The following KCNJ6 variants were observed in gnomAD, a reference collection of about 807,000 sequenced individuals.
KCNJ6 encodes potassium inwardly rectifying channel subfamily J member 6, also known as G protein-activated inward rectifier potassium channel 2.
KCNJ6 carries 9 observed loss-of-function variants against 34.2 expected under a neutral mutation model. The observed-to-expected ratio is 0.26, with a 90% CI of 0.16 to 0.46. The LOEUF (loss-of-function observed/expected upper bound fraction) is 0.46. Ranked by LOEUF, KCNJ6 falls within the 20% of genes least tolerant of loss-of-function variation. KCNJ6 has a pLI of 1.00. For synonymous variants in KCNJ6, 196 were observed against 207.1 expected, an observed-to-expected ratio of 0.95 and a Z score of 0.46; for missense variants, 236 against 531.3, an observed-to-expected ratio of 0.44 and a Z score of 5.46.
At position 37,607,482 on chromosome 21, in the gene KCNJ6, A is replaced by ATATATATATATATATATAT; in HGVS notation, c.*17676_*17677insATATATATATATATATATA. ...CTTAAAGATATATATATATATATAT[A>ATATATATATATATATATAT]TTTTTTTTTTATTTTAAAAAAATTT... On this transcript the variant is annotated 3_prime_UTR_variant, in exon 4 of 4. Coordinates refer to ENST00000609713, the MANE Select transcript of KCNJ6 (RefSeq NM_002240.5). The ATATATATATATATATATAT allele has an allele frequency of 1.5e-3, 201 of 136,708 alleles. No homozygotes were observed. The highest frequency in any genetic ancestry group is 2.5e-3 in the African/African-American group (91 of 36,450). 8.5% of individuals were successfully genotyped at this position (136,708 alleles called of 1,614,324 possible).
rs573624054 is a variant in KCNJ6 at position 37,648,428 on chromosome 21, C to T, written c.947-22944G>A. Among the ~76,000 whole-genome samples the T allele has an allele frequency of 6.1e-4, 93 of 152,310 alleles. 2 individuals carry two copies. Among genetic ancestry groups the T allele is most frequent in the African/African-American group, 2.0e-3 (82 of 41,560 alleles). ...TCCTCTGGGGAATGCTACTGGCACA[C>T]GTTATAGACATCAACATTTTAGCTG... is the stretch of plus-strand genomic sequence containing the variant. On this transcript the variant is annotated intron_variant, in intron 3 of 3. Coordinates refer to ENST00000609713, the MANE Select transcript of KCNJ6 (RefSeq NM_002240.5).
intron 3 of KCNJ6, among the ~76,000 whole-genome samples, chr21:37,632,492 G>A (rs970394517): frequency 6.6e-6 from 1 of 151,940 alleles, no homozygotes; most frequent in African/African-American, 2.4e-5. Context: ...ATTAATTCAC[G>A]GGAAATAGGC....
rs760775426 is a variant in KCNJ6 at position 37,617,628 on chromosome 21, A to G, written c.*7531T>C. ...AGGGACCAGGTCAGACTATCTGGAGAGAGTTCTGCCATTGGCCCGATGACT... is the reference window on the plus strand; with the variant it reads ...AGGGACCAGGTCAGACTATCTGGAGGGAGTTCTGCCATTGGCCCGATGACT... On this transcript the variant is annotated 3_prime_UTR_variant, in exon 4 of 4. Transcript: ENST00000609713. 2.0e-5 allele frequency: 3 copies of G among 152,200 alleles called. No individual in the cohort carries two copies. The highest frequency in any genetic ancestry group is 4.4e-5 in the Non-Finnish European group (3 of 68,052). The allele number at this position is 152,200 out of a possible 1,614,324, so 9.4% of individuals were successfully genotyped here.
Position 37,645,711 on chromosome 21 carries a change from T to C in KCNJ6, c.947-20227A>G, listed in dbSNP as rs1210236930. On this transcript the variant is annotated intron_variant, in intron 3 of 3. Coordinates refer to ENST00000609713, the MANE Select transcript of KCNJ6 (RefSeq NM_002240.5). ...GACCCTGGAACGGGTGAGCACCCAG[T>C]GGTATCCCAGGTACCAGTGTTCCTT... Among the ~76,000 whole-genome samples, 4 of 152,188 alleles carry C rather than the reference T, an allele frequency of 2.6e-5. No homozygotes were observed. The East Asian group carries it at 7.7e-4, about 29-fold the overall frequency.
chr21:37,829,945 T>C (rs1299375632), intron 2 of KCNJ6, among the ~76,000 whole-genome samples: 2 of 152,178 alleles, frequency 1.3e-5, no homozygotes, highest in Non-Finnish European at 2.9e-5. Flanking sequence ...AAACCTGCTG[T>C]TGTGGAAAGA....
intron 2 of KCNJ6, among the ~76,000 whole-genome samples, chr21:37,817,099 A>C (rs2055350279): frequency 6.6e-6 from 1 of 152,166 alleles, no homozygotes; most frequent in Admixed American, 6.5e-5. Context: ...TCTCATCTGA[A>C]GGTCTATTAG....
chr21:37,618,788 T>G lies in KCNJ6; in HGVS notation c.*6371A>C, dbSNP rs943849215. ...CACTTAATCATGTTGACCACCCCAG[T>G]GAAATATTTTTGTGTGCCTTTAAAG... On this transcript the variant is annotated 3_prime_UTR_variant, in exon 4 of 4. Coordinates refer to ENST00000609713, the MANE Select transcript of KCNJ6 (RefSeq NM_002240.5). 2 of 152,228 alleles carry G rather than the reference T, an allele frequency of 1.3e-5. No homozygotes were observed. Among genetic ancestry groups the G allele is most frequent in the African/African-American group, 4.8e-5 (2 of 41,468 alleles). 9.4% of individuals were successfully genotyped at this position (152,228 alleles called of 1,614,324 possible).
chr21:37,727,584 G>C (rs117109857), intron 2 of KCNJ6, among the ~76,000 whole-genome samples: 2,286 of 152,214 alleles, frequency 0.015, 28 homozygotes, highest in South Asian at 0.034. Context: ...TTAGGTTGAT[G>C]TTATAAGGAA....
intron 1 of KCNJ6, among the ~76,000 whole-genome samples, chr21:37,856,866 G>A (rs1047385848): frequency 2.0e-5 from 3 of 152,116 alleles, no homozygotes; most frequent in African/African-American, 4.8e-5. Context: ...TGACCTGGCT[G>A]GATGTACCAG....
intron 3 of KCNJ6, among the ~76,000 whole-genome samples, chr21:37,629,984 T>C (rs1445547128): frequency 6.6e-6 from 1 of 152,206 alleles, no homozygotes; most frequent in Non-Finnish European, 1.5e-5. Context: ...AAATTGATAA[T>C]TTTCTTCAGA....
intron 2 of KCNJ6, among the ~76,000 whole-genome samples, chr21:37,727,969 C>T (rs2054864060): frequency 6.6e-6 from 1 of 152,140 alleles, no homozygotes; most frequent in Non-Finnish European, 1.5e-5. Flanking sequence ...CTTGACTGGT[C>T]AAGAAAGGCA....
Position 37,616,590 on chromosome 21 carries a change from C to CATATATATATAT in KCNJ6, c.*8557_*8568dup. On this transcript the variant is annotated 3_prime_UTR_variant, in exon 4 of 4. Transcript: ENST00000609713. ...AATTATGAAGCAGGAACAAAATGTA[C>CATATATATATAT]ATATATATATATATATATATATATA... 1.3e-3 allele frequency: 114 copies of CATATATATATAT among 90,798 alleles called. 10 individuals are homozygous for CATATATATATAT. The highest frequency in any genetic ancestry group is 3.9e-3 in the African/African-American group (84 of 21,762). The allele number at this position is 90,798 out of a possible 1,614,324, so 5.6% of individuals were successfully genotyped here.
Position 37,625,511 on chromosome 21 carries a change from G to A in KCNJ6, c.947-27C>T, listed in dbSNP as rs774793407. On this transcript the variant is annotated intron_variant, in intron 3 of 3. Transcript: ENST00000609713. ...TGCAGAGAGAAGAATGGAGGCTTTA[G>A]CATATGTAAGTGTGGGCTTTCCATG... 2.6e-6 allele frequency: 4 copies of A among 1,561,992 alleles called. No individual in the cohort carries two copies. In the South Asian group the frequency reaches 4.6e-5, roughly 18 times the overall value.
chr21:37,667,052 C>T (rs544318804), intron 3 of KCNJ6, among the ~76,000 whole-genome samples: 3 of 149,924 alleles, frequency 2.0e-5, no homozygotes, highest in African/African-American at 7.4e-5. Context: ...AAACCGGAGA[C>T]CTTTGTTCAC....
At chr21:37,764,908 C>G (rs946177648) in intron 2 of KCNJ6, among the ~76,000 whole-genome samples, 2 of 152,152 alleles carry the variant, frequency 1.3e-5, no homozygotes, top group Admixed American at 1.3e-4. Flanking sequence ...CAAGAGGCAC[C>G]GCAAATATTT....
intron 1 of KCNJ6, among the ~76,000 whole-genome samples, chr21:37,898,743 TC>T (rs1478030658): frequency 7.2e-5 from 11 of 152,226 alleles, no homozygotes; most frequent in African/African-American, 2.2e-4. Flanking sequence ...CCTTTCAGCC[TC>T]AGTATTTCCA....
At chr21:37,759,914 C>T (rs1320026965) in intron 2 of KCNJ6, among the ~76,000 whole-genome samples, 1 of 152,158 alleles carries the variant, frequency 6.6e-6, no homozygotes, top group African/African-American at 2.4e-5. Context: ...TGCTGGCTGG[C>T]CTGCTGTCTT....
At chr21:37,688,588 T>C (rs1369585422) in intron 3 of KCNJ6, among the ~76,000 whole-genome samples, 2 of 152,194 alleles carry the variant, frequency 1.3e-5, no homozygotes, top group African/African-American at 2.4e-5. Flanking sequence ...GGGCTTTTCC[T>C]AGTGAGCCTA....
At chr21:37,632,243 T>G (rs201249870) in intron 3 of KCNJ6, among the ~76,000 whole-genome samples, 1 of 110,262 alleles carries the variant, frequency 9.1e-6, no homozygotes, top group Admixed American at 9.4e-5. Context: ...AAAGATGAAC[T>G]TAAAAATTAC....
Sources: gnomAD v4.1 joint callset for allele counts (sites outside exome capture counted in the v4.1 genomes callset) on GRCh38, gnomAD v4.1.1 for gene constraint, MANE v1.5 for transcripts, NCBI Gene and HGNC (gene_info 2026-07-23, HGNC 2026-07-21) for gene names.